MYO5A: variants seen among roughly 807,000 people sequenced by gnomAD.
The protein encoded by MYO5A is unconventional myosin-Va.
A neutral mutation model predicts 249.7 loss-of-function variants in MYO5A; 98 were observed. That is an observed-to-expected ratio of 0.39 (90% CI 0.33 to 0.46). The LOEUF (loss-of-function observed/expected upper bound fraction) is 0.46, where lower values mean the gene tolerates loss of function less well. Ranked by LOEUF, MYO5A falls within the 20% of genes least tolerant of loss-of-function variation. The pLI, the probability that MYO5A is intolerant of heterozygous loss-of-function variation, is 0.98. For synonymous variants in MYO5A, 778 were observed against 810.6 expected (o/e 0.96, Z 0.68); for missense variants, 1,696 against 2,308.8 (o/e 0.73, Z 5.44).
intron 1 of MYO5A, among the ~76,000 whole-genome samples, chr15:52,447,120 T>C (rs570665440): frequency 3.9e-5 from 6 of 152,302 alleles, no homozygotes; most frequent in African/African-American, 1.2e-4. Flanking sequence ...GGTTTGGATA[T>C]TGGTCCTCAC....
chr15:52,388,131 T>C (rs1274282280), intron 13 of MYO5A, among the ~76,000 whole-genome samples: 2 of 152,144 alleles, frequency 1.3e-5, no homozygotes, highest in South Asian at 4.1e-4. Context: ...GAAACAGTGG[T>C]AGCGCTGATT....
At chr15:52,314,026 A>G (rs1309354959) in intron 41 of MYO5A, 97 bp downstream of exon 41, 20 of 1,293,172 alleles carry the variant, frequency 1.5e-5, no homozygotes, top group East Asian at 2.4e-5. Flanking sequence ...TTGTAAAATA[A>G]GATAATAAAA....
chr15:52,506,483 C>A (rs953507016), intron 1 of MYO5A, among the ~76,000 whole-genome samples: 1 of 150,492 alleles, frequency 6.6e-6, no homozygotes, highest in African/African-American at 2.5e-5. Flanking sequence ...GCCGAGATCG[C>A]GCCATTGTAC....
At chr15:52,386,856 T>C (rs1280335497) in intron 14 of MYO5A, among the ~76,000 whole-genome samples, 1 of 152,186 alleles carries the variant, frequency 6.6e-6, no homozygotes, top group Non-Finnish European at 1.5e-5. Flanking sequence ...TCTCGACTTA[T>C]TTTCTGAAGG....
chr15:52,360,635 C>T (rs28462026), intron 24 of MYO5A, among the ~76,000 whole-genome samples: 13,556 of 152,074 alleles, frequency 0.089, 1,874 homozygotes, highest in African/African-American at 0.3. Flanking sequence ...GGACAGTACA[C>T]GGGAGGTAAG....
At chr15:52,387,759 A>T (rs2042029251) in intron 14 of MYO5A, 70 bp downstream of exon 14, 1 of 1,215,384 alleles carries the variant, frequency 8.2e-7, no homozygotes, top group African/African-American at 1.5e-5. Flanking sequence ...TGTTAAAAAA[A>T]TCATTTTTAT....
chr15:52,372,340 G>C lies in MYO5A; in HGVS notation c.2601C>G (p.Val867=). ...YRKILREHKA[V]IIQKRVRGWL... ...AGCCCCGGACTCGCTTCTGAATGAT[G>C]ACTGCTTTGTGCTCACGGAGTATCT... Residue 867 remains valine (V), a synonymous_variant, in exon 21 of 42, where the codon GTC becomes GTG. Coordinates refer to ENST00000399233, the MANE Select transcript of MYO5A (RefSeq NM_001382347.1). The C allele has an allele frequency of 1.2e-6, 2 of 1,603,754 alleles. No individual in the cohort carries two copies. Among genetic ancestry groups the C allele is most frequent in the South Asian group, 2.2e-5 (2 of 91,036 alleles).
intron 1 of MYO5A, among the ~76,000 whole-genome samples, chr15:52,471,022 CAAAAA>C (rs55650927): frequency 8.3e-5 from 11 of 132,952 alleles, no homozygotes; most frequent in South Asian, 2.4e-4. Context: ...GACTCCATCT[CAAAAA>C]AAAAAAAAAA....
chr15:52,391,977 T>C lies in MYO5A; in HGVS notation c.1495A>G (p.Ile499Val). ...FYDNQPCINL[I>V]ESKLGILDLL... ...TCTAGAATGCCTAGTTTTGATTCTA[T>C]AAGATTAATACAAGGCTGATTATCA... The change falls in exon 12 of 42, where the codon ATA (isoleucine) becomes GTA (valine). Residue 499 changes from isoleucine to valine, a missense_variant. By Grantham distance (29) the Ile-to-Val change is conservative (BLOSUM62 3). Transcript: ENST00000399233. 4.3e-6 allele frequency: 7 copies of C among 1,612,634 alleles called. No individual in the cohort carries two copies. The highest frequency in any genetic ancestry group is 5.1e-6 in the Non-Finnish European group (6 of 1,179,010).
At chr15:52,520,948 G>T (rs937605711) in intron 1 of MYO5A, among the ~76,000 whole-genome samples, 6 of 152,044 alleles carry the variant, frequency 3.9e-5, no homozygotes, top group African/African-American at 1.5e-4. Context: ...TCTACTATAG[G>T]GCTGGGCACA....
At chr15:52,519,491 A>G (rs1306699570) in intron 1 of MYO5A, among the ~76,000 whole-genome samples, 1 of 152,072 alleles carries the variant, frequency 6.6e-6, no homozygotes, top group Non-Finnish European at 1.5e-5. Flanking sequence ...ATGCGCTTAC[A>G]GTCCCGGTTA....
intron 1 of MYO5A, among the ~76,000 whole-genome samples, chr15:52,508,210 T>C (rs958198735): frequency 6.6e-6 from 1 of 152,172 alleles, no homozygotes; most frequent in Non-Finnish European, 1.5e-5. Flanking sequence ...TTGTAAATTG[T>C]CTTTCTCTAT....
chr15:52,421,150 G>T (rs1336203715), intron 4 of MYO5A, among the ~76,000 whole-genome samples: 1 of 152,110 alleles, frequency 6.6e-6, no homozygotes, highest in African/African-American at 2.4e-5. Context: ...GCATAAATAG[G>T]ATACTTAGCA....
chr15:52,420,896 G>A (rs1389080293), intron 4 of MYO5A, among the ~76,000 whole-genome samples: 1 of 152,088 alleles, frequency 6.6e-6, no homozygotes, highest in East Asian at 1.9e-4. Context: ...TCTCAAAGCT[G>A]GATTCAAATC....
At chr15:52,502,549 T>C (rs1181456122) in intron 1 of MYO5A, among the ~76,000 whole-genome samples, 1 of 152,198 alleles carries the variant, frequency 6.6e-6, no homozygotes. Context: ...AGAAATAATA[T>C]AACCTCTGAC....
At chr15:52,444,118 T>C (rs969290620) in intron 1 of MYO5A, among the ~76,000 whole-genome samples, 4 of 152,232 alleles carry the variant, frequency 2.6e-5, no homozygotes, top group African/African-American at 9.6e-5. Context: ...AAATTAAATA[T>C]TCTTATTTTT....
At chr15:52,316,233 C>CAAAAA (rs5812596) in intron 40 of MYO5A, among the ~76,000 whole-genome samples, 134 of 60,338 alleles carry the variant, frequency 2.2e-3, no homozygotes, top group Admixed American at 2.9e-3. Context: ...GACTCCGTCA[C>CAAAAA]AAAAAAAAAA....
At chr15:52,437,121 C>A (rs2141323089) in intron 1 of MYO5A, among the ~76,000 whole-genome samples, 1 of 152,118 alleles carries the variant, frequency 6.6e-6, no homozygotes, top group East Asian at 1.9e-4. Context: ...AACTTTTTTC[C>A]CAGGGACACA....
chr15:52,344,056 T>G (rs779868753), intron 30 of MYO5A, among the ~76,000 whole-genome samples: 4 of 152,174 alleles, frequency 2.6e-5, no homozygotes, highest in Non-Finnish European at 5.9e-5. Context: ...ACACAGCTGG[T>G]AAGTAGTGGA....
Sources: allele counts gnomAD v4.1 joint callset (sites outside exome capture counted in the v4.1 genomes callset), GRCh38; gene constraint gnomAD v4.1.1; transcripts MANE v1.5; gene names NCBI Gene and HGNC (gene_info 2026-07-23, HGNC 2026-07-21).